DDX60: variants seen among roughly 807,000 people sequenced by gnomAD.
DDX60 encodes DExD/H-box helicase 60, also known as probable ATP-dependent RNA helicase DDX60.
DDX60 carries 165 observed loss-of-function variants against 212.8 expected under a neutral mutation model. The ratio of observed to expected loss-of-function variants is 0.78; its 90% confidence interval spans 0.68 to 0.88. The LOEUF is 0.88. DDX60 is among the 40% of genes least tolerant of loss of function. DDX60 has a pLI of 0.00. For missense variants in DDX60, 1,905 were observed against 2,003.9 expected, an observed-to-expected ratio of 0.95 and a Z score of 0.94; for synonymous variants, 703 against 685.3, an observed-to-expected ratio of 1.03 and a Z score of -0.40.
intron 8 of DDX60, among the ~76,000 whole-genome samples, chr4:168,291,375 T>G (rs913828217): frequency 2.0e-5 from 3 of 152,170 alleles, no homozygotes; most frequent in African/African-American, 7.2e-5. Context: ...GTATCCAAAT[T>G]GTCTCTAAAT....
intron 33 of DDX60, among the ~76,000 whole-genome samples, chr4:168,234,975 G>A (rs1012512501): frequency 5.3e-5 from 8 of 151,784 alleles, no homozygotes; most frequent in South Asian, 2.1e-4. Flanking sequence ...GTTAGTCTTC[G>A]TCTTCTCAAA....
At chr4:168,268,061 C>T in intron 20 of DDX60, 78 bp from the exon 21 acceptor site, 4 of 1,246,490 alleles carry the variant, frequency 3.2e-6, no homozygotes, top group Non-Finnish European at 4.5e-6. Context: ...TAAGTAAAGA[C>T]AATTTCATCT....
intron 37 of DDX60, among the ~76,000 whole-genome samples, 175 bp from the exon 38 acceptor site, chr4:168,217,207 A>G (rs896217814): frequency 6.6e-6 from 1 of 152,204 alleles, no homozygotes; most frequent in African/African-American, 2.4e-5. Context: ...TGTATAAAAA[A>G]TTTAAGAAAA....
At position 168,216,537 on chromosome 4, in the gene DDX60, T is replaced by TATAA. The variant is rs1466103328; in HGVS notation, c.*395_*396insTTAT. On this transcript the variant is annotated 3_prime_UTR_variant, in exon 38 of 38. Coordinates refer to ENST00000393743, the MANE Select transcript of DDX60 (RefSeq NM_017631.6). ...ATATTGTATTCATTTTTTCTAGCCT[T>TATAA]AATAAACATTTTATAAATACTGACA... The TATAA allele has an allele frequency of 6.5e-6, 1 of 154,600 alleles. No homozygotes were observed. The highest frequency in any genetic ancestry group is 1.9e-4 in the East Asian group (1 of 5,272). The allele number at this position is 154,600 out of a possible 1,614,324, so 9.6% of individuals were successfully genotyped here. A position where few individuals can be genotyped will look rare whatever the true frequency, so the allele number is the denominator to read the frequency against.
chr4:168,310,511 C>T (rs1054040085), intron 3 of DDX60, among the ~76,000 whole-genome samples: 1 of 152,132 alleles, frequency 6.6e-6, no homozygotes, highest in Non-Finnish European at 1.5e-5. Flanking sequence ...TTCTCTTCAT[C>T]CCAGAATCAA....
Position 168,313,230 on chromosome 4 carries a change from A to T in DDX60, c.-106-1865T>A, listed in dbSNP as rs548708042. Among the ~76,000 whole-genome samples, 3 of 152,336 alleles carry T rather than the reference A, an allele frequency of 2.0e-5. No individual in the cohort carries two copies. The South Asian group carries it at 6.2e-4, about 32-fold the overall frequency. On this transcript the variant is annotated intron_variant, in intron 1 of 37. Transcript: ENST00000393743. Reference sequence around the variant, plus strand: ...GTTTCAAGAACAGGTTGAAAAGATGATGAAGACTTATGAAAGCATGTTGGG... The same window carrying T: ...GTTTCAAGAACAGGTTGAAAAGATGTTGAAGACTTATGAAAGCATGTTGGG...
chr4:168,220,807 G>T, intron 36 of DDX60, 90 bp from the exon 37 acceptor site: 1 of 686,238 alleles, frequency 1.5e-6, no homozygotes, highest in Non-Finnish European at 2.1e-6. Context: ...TCAGTAAGAG[G>T]TTGCTTTTGT....
intron 28 of DDX60, among the ~76,000 whole-genome samples, chr4:168,248,805 G>A (rs1734111547): frequency 6.7e-6 from 1 of 150,176 alleles, no homozygotes; most frequent in Admixed American, 6.7e-5. Flanking sequence ...TGTCGCCCAA[G>A]CTGGAGTGCA....
intron 3 of DDX60, among the ~76,000 whole-genome samples, chr4:168,309,139 T>C (rs10018744): frequency 0.028 from 4,272 of 152,272 alleles, 210 homozygotes; most frequent in African/African-American, 0.096. Context: ...TGTATGGTGG[T>C]AAGTTAGCAG....
chr4:168,261,940 A>ATT (rs1249317091), intron 24 of DDX60, 60 bp downstream of exon 24: 5 of 1,540,974 alleles, frequency 3.2e-6, no homozygotes, highest in Non-Finnish European at 4.3e-6. Flanking sequence ...TATTAACTGA[A>ATT]TGATATAACT....
chr4:168,302,363 T>G lies in DDX60; in HGVS notation c.660A>C (p.Arg220Ser). The G allele has an allele frequency of 6.3e-7, 1 of 1,593,648 alleles. No homozygotes were observed. Among genetic ancestry groups the G allele is most frequent in the Non-Finnish European group, 8.5e-7 (1 of 1,170,416 alleles). The change falls in exon 6 of 38, where the codon AGA (arginine) becomes AGC (serine). Residue 220 changes from arginine (R) to serine (S), a missense_variant. By Grantham distance (110) the Arg-to-Ser change is moderately radical. Coordinates refer to ENST00000393743, the MANE Select transcript of DDX60 (RefSeq NM_017631.6). Reference sequence around the variant, plus strand: ...GAGGTGCTAATGCTGAAAGCTTAAATCTTTCCAACTGGTTAAGCAGGGTTG... The same window carrying G: ...GAGGTGCTAATGCTGAAAGCTTAAAGCTTTCCAACTGGTTAAGCAGGGTTG... ...AYTTLLNQLE[R>S]FKLSALAPLF...
chr4:168,311,264 G>C lies in DDX60; in HGVS notation c.-5C>G. The C allele has an allele frequency of 1.2e-6, 2 of 1,612,390 alleles. No individual in the cohort carries two copies. Among genetic ancestry groups the C allele is most frequent in the Non-Finnish European group, 1.7e-6 (2 of 1,179,348 alleles). ...TTTAAGTGGAAAATTACCCATTCTT[G>C]CTGCTGCCTGTGCCTCCAACCTGAA... On this transcript the variant is annotated 5_prime_UTR_variant, in exon 2 of 38. Coordinates refer to ENST00000393743, the MANE Select transcript of DDX60 (RefSeq NM_017631.6).
In DDX60 at chr4:168,269,540, G is replaced by T. The variant is rs372134244; in HGVS notation, c.2671-571C>A. Among the ~76,000 whole-genome samples, 24 of 152,210 alleles carry T rather than the reference G, an allele frequency of 1.6e-4. No individual in the cohort carries two copies. In the East Asian group the frequency reaches 3.5e-3, roughly 22 times the overall value. On this transcript the variant is annotated intron_variant, in intron 19 of 37. Transcript: ENST00000393743. ...GGCGTGAACCCGGAAGGCAGAGCTT[G>T]CAGTGAGCTGAGATCGCGCCACTGG...
In DDX60 at chr4:168,224,291, C is replaced by A; in HGVS notation, c.4776G>T (p.Leu1592=). 3 of 1,612,556 alleles carry A rather than the reference C, an allele frequency of 1.9e-6. No homozygotes were observed. Among genetic ancestry groups the A allele is most frequent in the Non-Finnish European group, 2.5e-6 (3 of 1,178,992 alleles). Reference sequence around the variant, plus strand: ...GCAAATCATCATCAAAGTTCCCAGACAGACAAACAAATGGTGAAATTGCTA... The same window carrying A: ...GCAAATCATCATCAAAGTTCCCAGAAAGACAAACAAATGGTGAAATTGCTA... ...GRVAISPFVC[L]SGNFDDDLLR... Residue 1592 remains leucine, a synonymous_variant, in exon 35 of 38, where the codon CTG becomes CTT. Transcript: ENST00000393743.
At chr4:168,285,059 T>A (rs1259498886) in intron 11 of DDX60, 124 bp from the exon 12 acceptor site, 1 of 578,778 alleles carries the variant, frequency 1.7e-6, no homozygotes, top group East Asian at 2.9e-5. Flanking sequence ...ATGATGTGGG[T>A]GGTAGACTCC....
At chr4:168,311,667 G>A (rs1737140688) in intron 1 of DDX60, among the ~76,000 whole-genome samples, 1 of 152,160 alleles carries the variant, frequency 6.6e-6, no homozygotes, top group African/African-American at 2.4e-5. Flanking sequence ...ATTTCTGGCA[G>A]AGGAAATACC....
chr4:168,242,715 CAGATG>C (rs1339174630), intron 30 of DDX60, among the ~76,000 whole-genome samples: 2 of 152,146 alleles, frequency 1.3e-5, no homozygotes, highest in Non-Finnish European at 2.9e-5. Flanking sequence ...TGCCTTGTCT[CAGATG>C]AGACTTTGGA....
chr4:168,259,361 G>T (rs1480285414), intron 25 of DDX60, among the ~76,000 whole-genome samples: 1 of 152,160 alleles, frequency 6.6e-6, no homozygotes, highest in African/African-American at 2.4e-5. Context: ...ACTTGAAAGT[G>T]AAATGGGTGA....
At position 168,289,150 on chromosome 4, in the gene DDX60, G is replaced by A. The variant is rs553035466; in HGVS notation, c.1042-835C>T. On this transcript the variant is annotated intron_variant, in intron 8 of 37. Coordinates refer to ENST00000393743, the MANE Select transcript of DDX60 (RefSeq NM_017631.6). ...TGCAAAATGAGGACATAAGAGGATC[G>A]TTGTTATGTCTAATTAAAGACTAAG... is the stretch of plus-strand genomic sequence containing the variant. 1.1e-4 allele frequency among the ~76,000 whole-genome samples: 17 copies of A among 152,296 alleles called. No individual in the cohort carries two copies. In the East Asian group the frequency reaches 2.1e-3, roughly 19 times the overall value.
Sources: gnomAD v4.1 joint callset for allele counts (sites outside exome capture counted in the v4.1 genomes callset) on GRCh38, gnomAD v4.1.1 for gene constraint, MANE v1.5 for transcripts, NCBI Gene and HGNC (gene_info 2026-07-23, HGNC 2026-07-21) for gene names.